CCDC7: variants seen among roughly 807,000 people sequenced by gnomAD.
The protein encoded by CCDC7 is coiled-coil domain containing 7.
A neutral mutation model predicts 196.9 loss-of-function variants in CCDC7; 183 were observed. That is an observed-to-expected ratio of 0.93 (90% CI 0.82 to 1.05). The LOEUF (loss-of-function observed/expected upper bound fraction) is 1.05, where lower values mean the gene tolerates loss of function less well. CCDC7 is among the 50% of genes least tolerant of loss of function. CCDC7 has a pLI of 0.00. For synonymous variants in CCDC7, 525 were observed against 484.6 expected (o/e 1.08, Z -1.10); for missense variants, 1,540 against 1,482.2 (o/e 1.04, Z -0.64).
At chr10:32,721,066 C>T (rs917987734) in intron 25 of CCDC7, among the ~76,000 whole-genome samples, 1 of 151,860 alleles carries the variant, frequency 6.6e-6, no homozygotes, top group African/African-American at 2.4e-5. Flanking sequence ...GTGCTCCATT[C>T]TGGGGGACAA....
At chr10:32,805,573 A>G (rs918351442) in intron 30 of CCDC7, among the ~76,000 whole-genome samples, 1 of 152,208 alleles carries the variant, frequency 6.6e-6, no homozygotes, top group African/African-American at 2.4e-5. Context: ...GTTGTGTAAA[A>G]TAGTTCAGAT....
chr10:32,814,269 A>G (rs1021782859), intron 30 of CCDC7, 101 bp from the exon 32 acceptor site: 9 of 848,670 alleles, frequency 1.1e-5, no homozygotes, highest in Non-Finnish European at 1.5e-5. Context: ...CAAATATTTT[A>G]AGTTAGTAAC....
chr10:32,704,600 C>A (rs148121265), intron 24 of CCDC7, among the ~76,000 whole-genome samples: 1 of 152,226 alleles, frequency 6.6e-6, no homozygotes, highest in East Asian at 1.9e-4. Context: ...ATGCCCTGCC[C>A]CCAGAGGTGG....
At chr10:32,577,100 C>T (rs375461143) in intron 16 of CCDC7, among the ~76,000 whole-genome samples, 25 of 152,194 alleles carry the variant, frequency 1.6e-4, no homozygotes, top group African/African-American at 5.1e-4. Flanking sequence ...TGGTGGCTCA[C>T]GCCTGTAATC....
chr10:32,725,215 G>T, intron 25 of CCDC7: 1 of 403,152 alleles, frequency 2.5e-6, no homozygotes, highest in Non-Finnish European at 4.9e-6. Context: ...TTTGTATTTT[G>T]AATCCTTTCT....
At chr10:32,810,311 G>A (rs1002550027) in intron 30 of CCDC7, among the ~76,000 whole-genome samples, 1 of 152,080 alleles carries the variant, frequency 6.6e-6, no homozygotes, top group Non-Finnish European at 1.5e-5. Flanking sequence ...GACTGGTAGT[G>A]AAGGAATGGA....
At chr10:32,498,311 C>G (rs903447598) in intron 9 of CCDC7, among the ~76,000 whole-genome samples, 5 of 151,980 alleles carry the variant, frequency 3.3e-5, no homozygotes, top group African/African-American at 1.2e-4. Context: ...CTCCTGCACA[C>G]CAGTGGGTCT....
chr10:32,626,615 T>C (rs1330766753), intron 18 of CCDC7, among the ~76,000 whole-genome samples: 1 of 151,988 alleles, frequency 6.6e-6, no homozygotes, highest in Non-Finnish European at 1.5e-5. Flanking sequence ...GCTTTTGGGG[T>C]CAAATAAAAA....
intron 25 of CCDC7, among the ~76,000 whole-genome samples, chr10:32,722,380 G>A (rs183843333): frequency 8.2e-4 from 125 of 152,228 alleles, no homozygotes; most frequent in African/African-American, 3.0e-3. Flanking sequence ...CCCAGTGGTA[G>A]GGCTACCATT....
chr10:32,452,963 A>C (rs933916747), intron 1 of CCDC7, among the ~76,000 whole-genome samples: 1 of 152,188 alleles, frequency 6.6e-6, no homozygotes, highest in African/African-American at 2.4e-5. Flanking sequence ...TTAAAAATTC[A>C]TTGCTTTCTG....
intron 12 of CCDC7, among the ~76,000 whole-genome samples, chr10:32,543,789 T>A (rs1032736084): frequency 6.6e-6 from 1 of 152,078 alleles, no homozygotes; most frequent in African/African-American, 2.4e-5. Context: ...TTATTTTTTG[T>A]GTATGTGTAT....
intron 20 of CCDC7, among the ~76,000 whole-genome samples, chr10:32,647,290 T>A (rs542771698): frequency 6.6e-6 from 1 of 152,268 alleles, no homozygotes; most frequent in South Asian, 2.1e-4. Flanking sequence ...GTGGATCATT[T>A]GAGGTCAGGA....
intron 28 of CCDC7, among the ~76,000 whole-genome samples, chr10:32,743,546 T>G (rs1215058599): frequency 6.6e-6 from 1 of 152,206 alleles, no homozygotes; most frequent in East Asian, 1.9e-4. Flanking sequence ...AGGTCTAAGA[T>G]TTAAGTCTTT....
chr10:32,500,425 G>C (rs1299768943), intron 9 of CCDC7, among the ~76,000 whole-genome samples: 3 of 151,506 alleles, frequency 2.0e-5, no homozygotes, highest in Non-Finnish European at 2.9e-5. Context: ...CGGCCAGGCA[G>C]AGGCGCTCTT....
intron 32 of CCDC7, 28 bp downstream of exon 33, chr10:32,824,632 T>G (rs752799637): frequency 8.1e-6 from 12 of 1,478,942 alleles, no homozygotes; most frequent in Admixed American, 3.5e-5. Flanking sequence ...TAAAATCTAC[T>G]TATGGTTTCC....
intron 31 of CCDC7, among the ~76,000 whole-genome samples, chr10:32,823,706 T>C (rs930908743): frequency 6.6e-6 from 1 of 152,228 alleles, no homozygotes; most frequent in African/African-American, 2.4e-5. Context: ...TATCTGTTTT[T>C]CAATATGAAA....
intron 8 of CCDC7, among the ~76,000 whole-genome samples, chr10:32,479,372 GT>G (rs1444907097): frequency 6.6e-6 from 1 of 151,988 alleles, no homozygotes; most frequent in Non-Finnish European, 1.5e-5. Flanking sequence ...GGCCATTATT[GT>G]TTTGAAGTAC....
intron 15 of CCDC7, among the ~76,000 whole-genome samples, chr10:32,569,588 G>A (rs1239704903): frequency 6.6e-6 from 1 of 151,892 alleles, no homozygotes; most frequent in Non-Finnish European, 1.5e-5. Context: ...CACCATGCCT[G>A]GCTAATTTTT....
exon 9 of CCDC7, chr10:32,491,984 A>C: frequency 6.3e-7 from 1 of 1,577,198 alleles, no homozygotes; most frequent in Admixed American, 1.9e-5. Flanking sequence ...AAACCAGGCA[A>C]ATATGTTGGA....
Sources: gnomAD v4.1 joint callset for allele counts (sites outside exome capture counted in the v4.1 genomes callset) on GRCh38, gnomAD v4.1.1 for gene constraint, MANE v1.5 for transcripts, NCBI Gene and HGNC (gene_info 2026-07-23, HGNC 2026-07-21) for gene names.